Variants in SULT4A1 observed in about 807,000 individuals in gnomAD.
The protein encoded by SULT4A1 is sulfotransferase family 4A member 1, also known as sulfotransferase 4A1.
In SULT4A1, 11 loss-of-function variants were observed where a neutral mutation model predicts 35.2. The observed-to-expected ratio is 0.31, with a 90% CI of 0.20 to 0.52. The LOEUF is 0.52. Ranked by LOEUF, SULT4A1 falls within the 20% of genes least tolerant of loss-of-function variation. SULT4A1 has a pLI of 0.97. For missense variants in SULT4A1, 271 were observed against 383.7 expected, an observed-to-expected ratio of 0.71 and a Z score of 2.45; for synonymous variants, 152 against 151.8, an observed-to-expected ratio of 1.00 and a Z score of -0.01.
At chr22:43,853,586 C>T (rs549695998) in intron 1 of SULT4A1, among the ~76,000 whole-genome samples, 45 of 152,310 alleles carry the variant, frequency 3.0e-4, no homozygotes, top group African/African-American at 1.1e-3. Context: ...CAGGAAGCTC[C>T]GGCAACCCTG....
At chr22:43,841,603 G>A (rs756925002) in intron 2 of SULT4A1, among the ~76,000 whole-genome samples, 199 bp downstream of exon 2, 4 of 152,110 alleles carry the variant, frequency 2.6e-5, no homozygotes, top group Non-Finnish European at 5.9e-5. Context: ...CAGACTCCCT[G>A]ACGCTGATGT....
chr22:43,832,958 C>G (rs988443376), intron 5 of SULT4A1, among the ~76,000 whole-genome samples: 2 of 152,148 alleles, frequency 1.3e-5, no homozygotes, highest in South Asian at 4.1e-4. Context: ...CTAGCAGCCC[C>G]ACAGGCTGGC....
At chr22:43,847,341 C>G (rs34616321) in intron 1 of SULT4A1, among the ~76,000 whole-genome samples, 1 of 152,266 alleles carries the variant, frequency 6.6e-6, no homozygotes, top group Non-Finnish European at 1.5e-5. Context: ...AGGCACACTT[C>G]TAAGCACTTG....
At chr22:43,839,893 G>T in intron 3 of SULT4A1, 52 bp downstream of exon 3, 1 of 1,532,026 alleles carries the variant, frequency 6.5e-7, no homozygotes, top group Middle Eastern at 1.7e-4. Context: ...AGGGACCTTG[G>T]GCTCCTCTTG....
At chr22:43,837,354 G>A (rs1404212177) in intron 4 of SULT4A1, among the ~76,000 whole-genome samples, 1 of 152,234 alleles carries the variant, frequency 6.6e-6, no homozygotes, top group East Asian at 1.9e-4. Flanking sequence ...TGAGCAAGAT[G>A]TTTGTAGCCT....
chr22:43,862,266 G>T lies in SULT4A1; in HGVS notation c.117C>A (p.Ala39=). The change falls in exon 1 of 7, where the codon GCC becomes GCA. Residue 39 remains alanine (A), a synonymous_variant. Transcript: ENST00000330884. ...PFCRGKMEEI[A]NFPVRPSDVW... Reference sequence around the variant, plus strand: ...CGTCGCTGGGCCGCACCGGGAAGTTGGCGATCTCCTCCATCTTCCCGCGGC... The same window carrying T: ...CGTCGCTGGGCCGCACCGGGAAGTTTGCGATCTCCTCCATCTTCCCGCGGC... 6.4e-7 allele frequency: 1 copy of T among 1,570,392 alleles called. No homozygotes were observed. Among genetic ancestry groups the T allele is most frequent in the African/African-American group, 1.4e-5 (1 of 71,402 alleles).
At chr22:43,856,659 T>C (rs1175333685) in intron 1 of SULT4A1, among the ~76,000 whole-genome samples, 1 of 151,668 alleles carries the variant, frequency 6.6e-6, no homozygotes, top group Non-Finnish European at 1.5e-5. Context: ...AAGGTGGAGG[T>C]GGAGCAGGAA....
intron 5 of SULT4A1, 130 bp downstream of exon 5, chr22:43,833,509 CG>C: frequency 1.5e-6 from 1 of 652,264 alleles, no homozygotes. Context: ...CAGACTGTCC[CG>C]CCCCCTCCTC....
At chr22:43,833,131 C>T (rs888087080) in intron 5 of SULT4A1, among the ~76,000 whole-genome samples, 87 of 152,190 alleles carry the variant, frequency 5.7e-4, no homozygotes, top group African/African-American at 2.0e-3. Context: ...CCAGAAGCCC[C>T]TCTGCCTAGG....
chr22:43,860,982 C>T (rs2049460721), intron 1 of SULT4A1, among the ~76,000 whole-genome samples: 1 of 152,092 alleles, frequency 6.6e-6, no homozygotes, highest in South Asian at 2.1e-4. Flanking sequence ...TGTAAGAGTC[C>T]CTCACAGATT....
At chr22:43,852,997 A>G (rs1475271830) in intron 1 of SULT4A1, among the ~76,000 whole-genome samples, 2 of 152,020 alleles carry the variant, frequency 1.3e-5, no homozygotes, top group African/African-American at 4.8e-5. Flanking sequence ...TTCGCTCCAG[A>G]ACCAGAGTGC....
chr22:43,825,194 C>T lies in SULT4A1; in HGVS notation c.*807G>A, dbSNP rs1603403215. Reference sequence around the variant, plus strand: ...AAGGCTGTGGAATTCAGCTCAAATTCCGAGCGCAACTCGGTCCTTTGGTGG... The same window carrying T: ...AAGGCTGTGGAATTCAGCTCAAATTTCGAGCGCAACTCGGTCCTTTGGTGG... On this transcript the variant is annotated 3_prime_UTR_variant, in exon 7 of 7. Coordinates refer to ENST00000330884, the MANE Select transcript of SULT4A1 (RefSeq NM_014351.4). 1 of 152,350 alleles carries T rather than the reference C, an allele frequency of 6.6e-6. No homozygotes were observed. Among genetic ancestry groups the T allele is most frequent in the Non-Finnish European group, 1.5e-5 (1 of 68,038 alleles). The allele number at this position is 152,350 out of a possible 1,614,324, so 9.4% of individuals were successfully genotyped here.
chr22:43,862,099 A>G, intron 1 of SULT4A1, 115 bp downstream of exon 1: 1 of 531,500 alleles, frequency 1.9e-6, no homozygotes, highest in Non-Finnish European at 2.4e-6. Context: ...GCAGGGGCGG[A>G]GGCCAAGGGC....
intron 1 of SULT4A1, among the ~76,000 whole-genome samples, chr22:43,858,433 T>C (rs919385350): frequency 6.6e-6 from 1 of 151,578 alleles, no homozygotes; most frequent in African/African-American, 2.4e-5. Flanking sequence ...CTTCCCCAGG[T>C]CAAGCCTCCT....
At chr22:43,847,452 C>T (rs1437934561) in intron 1 of SULT4A1, among the ~76,000 whole-genome samples, 1 of 152,276 alleles carries the variant, frequency 6.6e-6, no homozygotes, top group Non-Finnish European at 1.5e-5. Context: ...ACTGGTCTCT[C>T]TCCATGCTCC....
At chr22:43,832,248 GA>G (rs1446248649) in intron 5 of SULT4A1, among the ~76,000 whole-genome samples, 2 of 152,190 alleles carry the variant, frequency 1.3e-5, no homozygotes, top group African/African-American at 2.4e-5. Flanking sequence ...ACAAGAGGCA[GA>G]CAGGTGGAGG....
intron 6 of SULT4A1, chr22:43,827,368 G>A (rs1253847441): frequency 1.8e-6 from 2 of 1,141,038 alleles, no homozygotes; most frequent in Non-Finnish European, 2.2e-6. Flanking sequence ...ATCAGTGTTG[G>A]AGAGAAAAAC....
chr22:43,855,693 T>C (rs1373614304), intron 1 of SULT4A1, among the ~76,000 whole-genome samples: 1 of 151,802 alleles, frequency 6.6e-6, no homozygotes, highest in Non-Finnish European at 1.5e-5. Context: ...CTGTCCCACA[T>C]CCCAGGAGCT....
At chr22:43,847,959 G>A (rs1292398240) in intron 1 of SULT4A1, among the ~76,000 whole-genome samples, 1 of 152,200 alleles carries the variant, frequency 6.6e-6, no homozygotes, top group Non-Finnish European at 1.5e-5. Context: ...GTCGAGGTGT[G>A]GGCAGGGCTG....
Sources: allele counts gnomAD v4.1 joint callset (sites outside exome capture counted in the v4.1 genomes callset), GRCh38; gene constraint gnomAD v4.1.1; transcripts MANE v1.5; gene names NCBI Gene and HGNC (gene_info 2026-07-23, HGNC 2026-07-21).